INTS7: variants seen among roughly 807,000 people sequenced by gnomAD.
The protein encoded by INTS7 is chromosome 1 open reading frame 73.
Under a neutral mutation model 109.2 loss-of-function variants are expected in INTS7, and 46 were observed. That is an observed-to-expected ratio of 0.42 (90% CI 0.33 to 0.54). The LOEUF (loss-of-function observed/expected upper bound fraction) is 0.54, where lower values mean the gene tolerates loss of function less well. INTS7 is among the 20% of genes least tolerant of loss of function. The probability of loss-of-function intolerance (pLI) is 0.07; values close to 1 mark genes in which losing one functional copy is unlikely to be tolerated. For missense variants in INTS7, 929 were observed against 1,132.4 expected, an observed-to-expected ratio of 0.82 and a Z score of 2.58; for synonymous variants, 412 against 402.9, an observed-to-expected ratio of 1.02 and a Z score of -0.27.
intron 17 of INTS7, among the ~76,000 whole-genome samples, chr1:211,950,865 T>C (rs1412158771): frequency 1.3e-5 from 2 of 152,216 alleles, no homozygotes; most frequent in Non-Finnish European, 2.9e-5. Context: ...TTAGCATCTA[T>C]TTCATTTTTT....
chr1:211,941,557 C>T lies in INTS7; in HGVS notation c.*267G>A, dbSNP rs753138162. 5.3e-6 allele frequency: 2 copies of T among 380,326 alleles called. No homozygotes were observed. Among genetic ancestry groups the T allele is most frequent in the Non-Finnish European group, 9.4e-6 (2 of 212,710 alleles). The allele number at this position is 380,326 out of a possible 1,614,324, so 23.6% of individuals were successfully genotyped here. A position where few individuals can be genotyped will look rare whatever the true frequency, so the allele number is the denominator to read the frequency against. ...GTATTTTTTAGTGGAGACGGGGTTT[C>T]ACTGTGTTAGCCAGGATGGTCTTGA... is the stretch of plus-strand genomic sequence containing the variant. On this transcript the variant is annotated 3_prime_UTR_variant, in exon 20 of 20. Transcript: ENST00000366994.
In INTS7 at chr1:211,978,446, C is replaced by T. The variant is rs759660276; in HGVS notation, c.1296G>A (p.Glu432=). Reference sequence around the variant, plus strand: ...CACTGTGCAATTGAGTCAACAAGGTCTCAACTACTGACTGGCTAAGATGGG... The same window carrying T: ...CACTGTGCAATTGAGTCAACAAGGTTTCAACTACTGACTGGCTAAGATGGG... The part of the protein sequence containing the change: ...GRPHLSQSVV[E]TLLTQLHSAQ... Residue 432 remains glutamate (E), a synonymous_variant, in exon 11 of 20, where the codon GAG becomes GAA. Coordinates refer to ENST00000366994, the MANE Select transcript of INTS7 (RefSeq NM_015434.4). 12 of 1,614,092 alleles carry T rather than the reference C, an allele frequency of 7.4e-6. No homozygotes were observed. The highest frequency in any genetic ancestry group is 1.7e-5 in the Admixed American group (1 of 59,990).
At chr1:211,990,757 G>C (rs116594585) in intron 7 of INTS7, among the ~76,000 whole-genome samples, 1,681 of 152,202 alleles carry the variant, frequency 0.011, 30 homozygotes, top group African/African-American at 0.038. Context: ...CCTAAGAGGA[G>C]ATATGTTCAA....
intron 7 of INTS7, among the ~76,000 whole-genome samples, chr1:211,988,675 T>C (rs759790632): frequency 6.6e-6 from 1 of 152,218 alleles, no homozygotes; most frequent in Non-Finnish European, 1.5e-5. Flanking sequence ...GTGGGAACCC[T>C]GTGTACTATC....
At position 211,941,972 on chromosome 1, in the gene INTS7, T is replaced by C. The variant is rs189171369; in HGVS notation, c.2741A>G (p.Asn914Ser). 2.0e-4 allele frequency: 316 copies of C among 1,614,218 alleles called. 1 individual carries two copies. The highest frequency in any genetic ancestry group is 1.6e-3 in the South Asian group (145 of 91,092). The change falls in exon 20 of 20, where the codon AAT becomes AGT. Residue 914 changes from asparagine to serine, a missense_variant. Physicochemically the swap from Asn to Ser is conservative, Grantham distance 46. Transcript: ENST00000366994. ...GGGACCAGTCTTCCATACTATACCATTGGCATCTTTCACAGAAGATTCCAC... is the reference window on the plus strand; with the variant it reads ...GGGACCAGTCTTCCATACTATACCACTGGCATCTTTCACAGAAGATTCCAC... Reference protein sequence around the residue: ...ITVESSVKDANGIVWKTGPRT... With the variant: ...ITVESSVKDASGIVWKTGPRT...
At chr1:212,025,614 G>GT (rs1187034447) in intron 1 of INTS7, 1 of 198,520 alleles carries the variant, frequency 5.0e-6, no homozygotes, top group Admixed American at 4.6e-5. Context: ...GAAGGATAAA[G>GT]TAAGTCTCTA....
chr1:211,955,829 G>A (rs1438778472), intron 16 of INTS7, among the ~76,000 whole-genome samples: 6 of 152,174 alleles, frequency 3.9e-5, no homozygotes, highest in Non-Finnish European at 8.8e-5. Flanking sequence ...TGACTGGTAA[G>A]GGATTCATGT....
chr1:211,941,643 C>T lies in INTS7; in HGVS notation c.*181G>A. The T allele has an allele frequency of 1.2e-6, 1 of 829,328 alleles. No individual in the cohort carries two copies. The highest frequency in any genetic ancestry group is 1.7e-5 in the African/African-American group (1 of 58,018). 51.4% of individuals were successfully genotyped at this position (829,328 alleles called of 1,614,324 possible). A position where few individuals can be genotyped will look rare whatever the true frequency, so the allele number is the denominator to read the frequency against. ...TGCTGGGATTACAGGCGTGAGCAAC[C>T]ACGCCCAGCTGTCAGACAAAATTTT... On this transcript the variant is annotated 3_prime_UTR_variant, in exon 20 of 20. Transcript: ENST00000366994.
chr1:211,996,216 G>GT (rs1665378898), intron 7 of INTS7, among the ~76,000 whole-genome samples: 1 of 152,182 alleles, frequency 6.6e-6, no homozygotes, highest in Admixed American at 6.5e-5. Flanking sequence ...GAGATTGGGA[G>GT]TTCAAGACCA....
At chr1:212,004,727 G>C (rs1203824840) in intron 7 of INTS7, among the ~76,000 whole-genome samples, 5 of 152,040 alleles carry the variant, frequency 3.3e-5, no homozygotes, top group Non-Finnish European at 7.4e-5. Context: ...AAATAACTAT[G>C]AATCAACAGA....
At chr1:212,010,419 A>G (rs566784920) in intron 5 of INTS7, among the ~76,000 whole-genome samples, 16 of 152,294 alleles carry the variant, frequency 1.1e-4, no homozygotes, top group African/African-American at 3.8e-4. Context: ...TTTGTAGTCT[A>G]TGGTAAGGAA....
chr1:212,022,083 G>A (rs1297332024), intron 1 of INTS7, among the ~76,000 whole-genome samples: 1 of 152,132 alleles, frequency 6.6e-6, no homozygotes, highest in Non-Finnish European at 1.5e-5. Context: ...TCTTTGAAAC[G>A]TGATTCTGGA....
intron 7 of INTS7, among the ~76,000 whole-genome samples, chr1:211,994,423 C>CTTT (rs1281380292): frequency 3.8e-4 from 51 of 133,630 alleles, no homozygotes; most frequent in Admixed American, 3.7e-3. Context: ...AAAAAATTCT[C>CTTT]TTTTTTTTTT....
chr1:211,958,132 G>T (rs986742907), intron 16 of INTS7, among the ~76,000 whole-genome samples: 1 of 151,084 alleles, frequency 6.6e-6, no homozygotes, highest in Non-Finnish European at 1.5e-5. Flanking sequence ...GTAGGTCTGA[G>T]TTTATATCTG....
chr1:212,016,888 T>C lies in INTS7; in HGVS notation c.507A>G (p.Ser169=). The C allele has an allele frequency of 1.3e-6, 2 of 1,595,800 alleles. No homozygotes were observed. The highest frequency in any genetic ancestry group is 1.7e-6 in the Non-Finnish European group (2 of 1,174,510). The change falls in exon 4 of 20, where the codon TCA becomes TCG. Residue 169 remains serine (S), a splice_region_variant and synonymous_variant. Coordinates refer to ENST00000366994, the MANE Select transcript of INTS7 (RefSeq NM_015434.4). ...GGGATGTACTTTTGTAAGCTTACTT[T>C]GACTGTGCAGAGAAGTTTGCAGCAG... ...VFAAANFSAQ[S]KDFAVGICNK... is the part of the protein sequence containing the mutation.
chr1:212,000,422 A>G (rs972837843), intron 7 of INTS7, among the ~76,000 whole-genome samples: 3 of 152,222 alleles, frequency 2.0e-5, no homozygotes, highest in African/African-American at 4.8e-5. Flanking sequence ...AAATTCTGTT[A>G]TACTTCTTAA....
chr1:211,951,600 C>A (rs1430336868), intron 17 of INTS7, among the ~76,000 whole-genome samples: 1 of 152,178 alleles, frequency 6.6e-6, no homozygotes, highest in African/African-American at 2.4e-5. Flanking sequence ...GCCACCGCAC[C>A]CGGCCAGGAT....
chr1:212,004,439 C>T (rs1665813464), intron 7 of INTS7, among the ~76,000 whole-genome samples: 1 of 151,966 alleles, frequency 6.6e-6, no homozygotes, highest in Non-Finnish European at 1.5e-5. Flanking sequence ...GGTAAACAAC[C>T]TATCATGTCA....
At position 211,944,189 on chromosome 1, in the gene INTS7, G is replaced by A. The variant is rs1293483054; in HGVS notation, c.2601+595C>T. The stretch of plus-strand genomic sequence containing the variant: ...AAAACTAAATAGATGTGTATTTTTT[G>A]TGGGGAGGGATTGGGTGGGTTAGGG... On this transcript the variant is annotated intron_variant, in intron 19 of 19. Transcript: ENST00000366994. 1.3e-5 allele frequency among the ~76,000 whole-genome samples: 2 copies of A among 151,834 alleles called. 1 individual carries two copies. The highest frequency in any genetic ancestry group is 4.2e-4 in the South Asian group (2 of 4,818).
Sources: gnomAD v4.1 joint callset for allele counts (sites outside exome capture counted in the v4.1 genomes callset) on GRCh38, gnomAD v4.1.1 for gene constraint, MANE v1.5 for transcripts, NCBI Gene and HGNC (gene_info 2026-07-23, HGNC 2026-07-21) for gene names.